PRKG1: variants seen among roughly 807,000 people sequenced by gnomAD.
The protein encoded by PRKG1 is cGMP-dependent protein kinase 1.
A neutral mutation model predicts 88.1 loss-of-function variants in PRKG1; 35 were observed. That is an observed-to-expected ratio of 0.40 (90% CI 0.30 to 0.53). The LOEUF is 0.53. PRKG1 is among the 20% of genes least tolerant of loss of function. PRKG1 has a pLI of 0.59. For synonymous variants in PRKG1, 303 were observed against 292.5 expected (o/e 1.04, Z -0.37); for missense variants, 540 against 839.8 (o/e 0.64, Z 4.41).
At chr10:51,730,913 TG>T (rs1375238385) in intron 3 of PRKG1, among the ~76,000 whole-genome samples, 1 of 152,182 alleles carries the variant, frequency 6.6e-6, no homozygotes, top group Non-Finnish European at 1.5e-5. Flanking sequence ...CCCAGCACTT[TG>T]GGAGGCCGAG....
chr10:51,464,613 C>T (rs1839834774), intron 2 of PRKG1, among the ~76,000 whole-genome samples: 1 of 151,666 alleles, frequency 6.6e-6, no homozygotes, highest in African/African-American at 2.4e-5. Flanking sequence ...AAGATCAGGC[C>T]GGGTGCGGTG....
chr10:51,041,754 A>T (rs1280812634), intron 1 of PRKG1, among the ~76,000 whole-genome samples: 3 of 152,212 alleles, frequency 2.0e-5, no homozygotes, highest in African/African-American at 7.2e-5. Flanking sequence ...TATGGAGGAA[A>T]TCAGAATGTT....
intron 4 of PRKG1, among the ~76,000 whole-genome samples, chr10:51,853,545 C>T (rs1840609464): frequency 6.6e-6 from 1 of 152,162 alleles, no homozygotes; most frequent in Admixed American, 6.5e-5. Flanking sequence ...TGTACTTTAA[C>T]ATCCTTGAAA....
In PRKG1 at chr10:51,074,900, C is replaced by G. The variant is rs1190624820; in HGVS notation, c.310C>G (p.Gln104Glu). ...VTLPFYPKSP[Q>E]SKDLIKEAIL... is the part of the protein sequence containing the mutation. Reference sequence around the variant, plus strand: ...CCTGCCCTTCTACCCCAAGAGCCCACAGTAAGCAGGGGTGACGCGCCGGGT... The same window carrying G: ...CCTGCCCTTCTACCCCAAGAGCCCAGAGTAAGCAGGGGTGACGCGCCGGGT... The change falls in exon 1 of 18, where the codon CAG becomes GAG. Residue 104 changes from glutamine to glutamate, a missense_variant and splice_region_variant. Coordinates refer to ENST00000373980, the MANE Select transcript of PRKG1 (RefSeq NM_006258.4). 5 of 1,603,210 alleles carry G rather than the reference C, an allele frequency of 3.1e-6. No individual in the cohort carries two copies. In the South Asian group the frequency reaches 5.6e-5, roughly 18 times the overall value.
At chr10:51,544,296 A>G (rs1347536114) in intron 3 of PRKG1, among the ~76,000 whole-genome samples, 1 of 149,674 alleles carries the variant, frequency 6.7e-6, no homozygotes, top group Non-Finnish European at 1.5e-5. Flanking sequence ...ATGAGTGAGA[A>G]CATGCGGTGT....
chr10:51,298,180 T>G (rs1453021125), intron 2 of PRKG1, among the ~76,000 whole-genome samples: 2 of 152,152 alleles, frequency 1.3e-5, no homozygotes, highest in Admixed American at 1.3e-4. Flanking sequence ...TTAGGGATAT[T>G]AATTATGATG....
At position 51,154,438 on chromosome 10, in the gene PRKG1, G is replaced by A. The variant is rs544930840; in HGVS notation, c.478+1108G>A. Reference sequence around the variant, plus strand: ...ATTTATCTGGCCCAAAATGTCATTAGAGCCAACGTATGAAAAATCCTGCAT... The same window carrying A: ...ATTTATCTGGCCCAAAATGTCATTAAAGCCAACGTATGAAAAATCCTGCAT... On this transcript the variant is annotated intron_variant, in intron 2 of 17. Coordinates refer to ENST00000373980, the MANE Select transcript of PRKG1 (RefSeq NM_006258.4). 9.9e-5 allele frequency among the ~76,000 whole-genome samples: 15 copies of A among 152,032 alleles called. No homozygotes were observed. In the South Asian group the frequency reaches 2.9e-3, roughly 29 times the overall value.
intron 5 of PRKG1, among the ~76,000 whole-genome samples, chr10:51,916,260 G>A (rs116181785): frequency 0.015 from 2,224 of 152,244 alleles, 63 homozygotes; most frequent in African/African-American, 0.05. Flanking sequence ...TTTCAGTAAA[G>A]AACCCAGCTA....
chr10:52,218,146 AGGT>A (rs927349223), intron 9 of PRKG1, among the ~76,000 whole-genome samples: 2 of 147,858 alleles, frequency 1.4e-5, no homozygotes, highest in African/African-American at 5.0e-5. Context: ...TGGGAGGCAG[AGGT>A]TACAGTGAGC....
intron 1 of PRKG1, among the ~76,000 whole-genome samples, chr10:51,125,128 A>T (rs1272290993): frequency 6.6e-6 from 1 of 152,080 alleles, no homozygotes; most frequent in Non-Finnish European, 1.5e-5. Context: ...GAGCAGGTTG[A>T]GCAACATAAC....
At chr10:51,095,063 A>G (rs1844495155) in intron 1 of PRKG1, among the ~76,000 whole-genome samples, 1 of 152,164 alleles carries the variant, frequency 6.6e-6, no homozygotes, top group Non-Finnish European at 1.5e-5. Flanking sequence ...CACATTACAG[A>G]TAAGAAAGGC....
chr10:51,859,761 A>C (rs1363321696), intron 4 of PRKG1, among the ~76,000 whole-genome samples: 2 of 152,142 alleles, frequency 1.3e-5, no homozygotes, highest in Non-Finnish European at 2.9e-5. Flanking sequence ...CCCACCATGT[A>C]TTCTATTTCC....
chr10:51,349,199 G>A (rs1035313508), intron 2 of PRKG1, among the ~76,000 whole-genome samples: 2 of 152,118 alleles, frequency 1.3e-5, no homozygotes, highest in Non-Finnish European at 2.9e-5. Context: ...TCTCCTGCTG[G>A]TGCTGGAAGT....
At chr10:51,730,883 C>G (rs1842255361) in intron 3 of PRKG1, among the ~76,000 whole-genome samples, 2 of 152,202 alleles carry the variant, frequency 1.3e-5, no homozygotes, top group Admixed American at 6.5e-5. Flanking sequence ...TGGCCGGGCG[C>G]AGTGGCTCAT....
chr10:51,419,197 T>C (rs922811276), intron 2 of PRKG1, among the ~76,000 whole-genome samples: 1 of 152,168 alleles, frequency 6.6e-6, no homozygotes, highest in Non-Finnish European at 1.5e-5. Flanking sequence ...CTTAAAGTTA[T>C]ATGAGAAATA....
chr10:51,436,950 G>A (rs1838949679), intron 2 of PRKG1, among the ~76,000 whole-genome samples: 1 of 152,028 alleles, frequency 6.6e-6, no homozygotes, highest in African/African-American at 2.4e-5. Context: ...TATGCGACAT[G>A]GAATTGGTAG....
chr10:51,745,410 A>T (rs2132499200), intron 3 of PRKG1, among the ~76,000 whole-genome samples: 1 of 152,272 alleles, frequency 6.6e-6, no homozygotes, highest in Non-Finnish European at 1.5e-5. Flanking sequence ...TCTACCCATG[A>T]TGTTTTTAAA....
chr10:51,376,430 T>C (rs1842817888), intron 2 of PRKG1, among the ~76,000 whole-genome samples: 1 of 152,232 alleles, frequency 6.6e-6, no homozygotes, highest in Non-Finnish European at 1.5e-5. Flanking sequence ...TATTGGTATA[T>C]CAAAAATACT....
chr10:51,962,220 T>A (rs1400325048), intron 5 of PRKG1, among the ~76,000 whole-genome samples: 1 of 152,144 alleles, frequency 6.6e-6, no homozygotes. Flanking sequence ...GCCCTGGAGC[T>A]GGACATCTAG....
Sources: allele counts gnomAD v4.1 joint callset (sites outside exome capture counted in the v4.1 genomes callset), GRCh38; gene constraint gnomAD v4.1.1; transcripts MANE v1.5; gene names NCBI Gene and HGNC (gene_info 2026-07-23, HGNC 2026-07-21).